CLEC16A: variants seen among roughly 807,000 people sequenced by gnomAD.
CLEC16A encodes the protein C-type lectin domain containing 16A.
A neutral mutation model predicts 109.5 loss-of-function variants in CLEC16A; 51 were observed. The ratio of observed to expected loss-of-function variants is 0.47; its 90% CI spans 0.37 to 0.59. CLEC16A has a LOEUF of 0.59. Among genes scored for constraint, CLEC16A ranks in the 20% least tolerant of loss-of-function variants. The pLI, the probability that CLEC16A is intolerant of heterozygous loss-of-function variation, is 0.00. For missense variants in CLEC16A, 1,339 were observed against 1,394.0 expected (o/e 0.96, Z 0.63); for synonymous variants, 673 against 564.2 (o/e 1.19, Z -2.73).
At chr16:11,102,160 C>A (rs146187965) in intron 19 of CLEC16A, among the ~76,000 whole-genome samples, 12 of 152,148 alleles carry the variant, frequency 7.9e-5, no homozygotes, top group Admixed American at 2.0e-4. Context: ...GTTTGAGATT[C>A]TCCATTTTTA....
chr16:11,160,568 C>T (rs1351003597), intron 22 of CLEC16A, among the ~76,000 whole-genome samples: 2 of 152,302 alleles, frequency 1.3e-5, no homozygotes, highest in East Asian at 1.9e-4. Context: ...AGGTACAGGG[C>T]AGCTTTTTCT....
At chr16:10,986,915 G>A (rs552020226) in intron 10 of CLEC16A, among the ~76,000 whole-genome samples, 70 of 151,860 alleles carry the variant, frequency 4.6e-4, no homozygotes, top group Non-Finnish European at 8.2e-4. Flanking sequence ...GTACAGTAGC[G>A]TGATCTCGGC....
chr16:11,135,896 C>T (rs2053532778), intron 22 of CLEC16A, among the ~76,000 whole-genome samples: 1 of 152,268 alleles, frequency 6.6e-6, no homozygotes, highest in South Asian at 2.1e-4. Flanking sequence ...TCTCCAGCCT[C>T]ATCCTCCAGC....
chr16:10,953,880 G>A (rs1221260647), intron 1 of CLEC16A, among the ~76,000 whole-genome samples: 1 of 152,004 alleles, frequency 6.6e-6, no homozygotes, highest in African/African-American at 2.4e-5. Context: ...GGAAGGCTGA[G>A]GCAGGGAAAT....
Position 11,042,377 on chromosome 16 carries a change from C to A in CLEC16A, c.1770+14C>A. ...GCCTGCCTGGAGGTAACGCCCTCTC[C>A]GCTCCTCCTTCCTGTGGGCCAAGGG... is the stretch of plus-strand genomic sequence containing the variant. On this transcript the variant is annotated intron_variant, in intron 15 of 23. Coordinates refer to ENST00000409790, the MANE Select transcript of CLEC16A (RefSeq NM_015226.3). The A allele has an allele frequency of 6.5e-7, 1 of 1,547,114 alleles. No homozygotes were observed. Among genetic ancestry groups the A allele is most frequent in the Non-Finnish European group, 8.8e-7 (1 of 1,139,366 alleles).
At chr16:11,097,878 G>C (rs534142713) in intron 19 of CLEC16A, among the ~76,000 whole-genome samples, 1 of 152,248 alleles carries the variant, frequency 6.6e-6, no homozygotes. Context: ...ACCAACTTCA[G>C]TGTTGGCTCA....
In CLEC16A at chr16:10,944,630, C is replaced by A; in HGVS notation, c.-88C>A. The A allele has an allele frequency of 1.5e-6, 2 of 1,307,744 alleles. No homozygotes were observed. Among genetic ancestry groups the A allele is most frequent in the Non-Finnish European group, 1.1e-6 (1 of 940,830 alleles). 81.0% of individuals were successfully genotyped at this position (1,307,744 alleles called of 1,614,324 possible). A position where few individuals can be genotyped will look rare whatever the true frequency, so the allele number is the denominator to read the frequency against. On this transcript the variant is annotated 5_prime_UTR_variant, in exon 1 of 24. Coordinates refer to ENST00000409790, the MANE Select transcript of CLEC16A (RefSeq NM_015226.3). ...CCTCCACCGCCTCCGCCGCCGCATC[C>A]TCCGCTTGTGCTACCGCCGCGGGCG...
At chr16:11,142,578 T>C (rs1210157753) in intron 22 of CLEC16A, among the ~76,000 whole-genome samples, 2 of 152,230 alleles carry the variant, frequency 1.3e-5, no homozygotes, top group Non-Finnish European at 2.9e-5. Flanking sequence ...CCTGCAGTGG[T>C]ACACACTGGT....
chr16:11,002,604 A>G (rs1413075294), intron 10 of CLEC16A, among the ~76,000 whole-genome samples: 2 of 152,160 alleles, frequency 1.3e-5, no homozygotes, highest in South Asian at 2.1e-4. Flanking sequence ...CACTGGAGTA[A>G]TGCGCACTGG....
At chr16:11,130,048 C>T (rs887913343) in intron 22 of CLEC16A, among the ~76,000 whole-genome samples, 1 of 152,298 alleles carries the variant, frequency 6.6e-6, no homozygotes, top group East Asian at 1.9e-4. Flanking sequence ...AGGCGTGAGC[C>T]ACCGCACCCA....
At chr16:11,159,832 T>C (rs1283083938) in intron 22 of CLEC16A, among the ~76,000 whole-genome samples, 3 of 152,252 alleles carry the variant, frequency 2.0e-5, no homozygotes, top group African/African-American at 4.8e-5. Context: ...TGTCGGGTTC[T>C]TATTTACTTT....
chr16:11,030,506 C>T (rs1350432148), intron 13 of CLEC16A, among the ~76,000 whole-genome samples: 1 of 152,120 alleles, frequency 6.6e-6, no homozygotes, highest in African/African-American at 2.4e-5. Context: ...TTTGCATATC[C>T]CTAATGACAT....
At chr16:11,173,513 A>T (rs952145883) in intron 23 of CLEC16A, among the ~76,000 whole-genome samples, 1 of 152,076 alleles carries the variant, frequency 6.6e-6, no homozygotes, top group Admixed American at 6.5e-5. Flanking sequence ...GGCACGGGTC[A>T]CCAAGTCGCT....
intron 11 of CLEC16A, among the ~76,000 whole-genome samples, chr16:11,014,567 A>G (rs893518904): frequency 3.3e-5 from 5 of 152,254 alleles, no homozygotes; most frequent in African/African-American, 7.2e-5. Flanking sequence ...GAAAAATAGT[A>G]CAGGTAACAC....
chr16:11,137,388 A>G (rs1417265939), intron 22 of CLEC16A, among the ~76,000 whole-genome samples: 2 of 152,058 alleles, frequency 1.3e-5, no homozygotes, highest in African/African-American at 4.8e-5. Flanking sequence ...CTCTCTGACT[A>G]GCTCAAAGAC....
intron 3 of CLEC16A, 92 bp downstream of exon 3, chr16:10,962,680 G>A (rs1005082538): frequency 1.2e-5 from 17 of 1,364,960 alleles, no homozygotes; most frequent in African/African-American, 7.3e-5. Flanking sequence ...CTTACTATTC[G>A]TCGGCTCAGG....
chr16:10,969,137 T>C, intron 3 of CLEC16A, 24 bp from the exon 4 acceptor site: 2 of 1,590,140 alleles, frequency 1.3e-6, no homozygotes, highest in Non-Finnish European at 1.7e-6. Flanking sequence ...TGAGTTAACC[T>C]GTTTTGTTTT....
At chr16:11,119,033 A>G (rs1328990958) in intron 19 of CLEC16A, among the ~76,000 whole-genome samples, 1 of 152,172 alleles carries the variant, frequency 6.6e-6, no homozygotes, top group East Asian at 1.9e-4. Context: ...ACAAGGTCTT[A>G]TTCTGTCACC....
At chr16:11,159,685 T>G (rs982782533) in intron 22 of CLEC16A, among the ~76,000 whole-genome samples, 17 of 152,194 alleles carry the variant, frequency 1.1e-4, no homozygotes, top group African/African-American at 4.1e-4. Flanking sequence ...GACAGAAACC[T>G]TGTGGGTGAA....
Sources: allele counts gnomAD v4.1 joint callset (sites outside exome capture counted in the v4.1 genomes callset), GRCh38; gene constraint gnomAD v4.1.1; transcripts MANE v1.5; gene names NCBI Gene and HGNC (gene_info 2026-07-23, HGNC 2026-07-21).